TMEM108: variants seen among roughly 807,000 people sequenced by gnomAD.
TMEM108 encodes transmembrane protein 108.
In TMEM108, 12 loss-of-function variants were observed where a neutral mutation model predicts 35.1. That is an observed-to-expected ratio of 0.34 (90% confidence interval 0.22 to 0.55). The LOEUF is 0.55. Ranked by LOEUF, TMEM108 falls within the 20% of genes least tolerant of loss-of-function variation. The probability of loss-of-function intolerance (pLI) is 0.89; values close to 1 mark genes in which losing one functional copy is unlikely to be tolerated. For missense variants in TMEM108, 680 were observed against 753.3 expected (o/e 0.90, Z 1.14); for synonymous variants, 287 against 308.6 (o/e 0.93, Z 0.73).
chr3:133,327,523 C>G (rs1053220366), intron 3 of TMEM108, among the ~76,000 whole-genome samples: 1 of 152,108 alleles, frequency 6.6e-6, no homozygotes, highest in African/African-American at 2.4e-5. Context: ...TGATAGGAGC[C>G]CCCCAGAAAA....
At chr3:133,240,406 T>G (rs1242364715) in intron 3 of TMEM108, among the ~76,000 whole-genome samples, 1 of 152,188 alleles carries the variant, frequency 6.6e-6, no homozygotes, top group East Asian at 1.9e-4. Flanking sequence ...AAAACAAAAG[T>G]TTAATAAGAC....
At chr3:133,240,485 T>A (rs904510848) in intron 3 of TMEM108, among the ~76,000 whole-genome samples, 29 of 152,206 alleles carry the variant, frequency 1.9e-4, no homozygotes, top group African/African-American at 7.0e-4. Context: ...TTTTATGAAT[T>A]TAAGTACATT....
At chr3:133,189,647 A>G (rs1321452365) in intron 2 of TMEM108, among the ~76,000 whole-genome samples, 1 of 152,238 alleles carries the variant, frequency 6.6e-6, no homozygotes, top group African/African-American at 2.4e-5. Flanking sequence ...TTTACTTGAC[A>G]ATTTGAGACA....
At chr3:133,387,133 T>C (rs1431013552) in intron 4 of TMEM108, 12 of 985,384 alleles carry the variant, frequency 1.2e-5, no homozygotes, top group Non-Finnish European at 1.4e-5. Flanking sequence ...AGTTTTTCTT[T>C]CTAGATCTCT....
chr3:133,083,170 G>GCCCC (rs201976584), intron 2 of TMEM108, among the ~76,000 whole-genome samples: 2 of 136,298 alleles, frequency 1.5e-5, no homozygotes, highest in African/African-American at 2.7e-5. Flanking sequence ...TACTTGGAAA[G>GCCCC]CCCCCCCCCA....
At chr3:133,310,715 C>A (rs9815382) in intron 3 of TMEM108, among the ~76,000 whole-genome samples, 66,872 of 151,356 alleles carry the variant, frequency 0.44, 15,273 homozygotes, top group African/African-American at 0.52. Context: ...GCATTTAGTC[C>A]ATTTACACTT....
chr3:133,104,597 A>G (rs1051322018), intron 2 of TMEM108, among the ~76,000 whole-genome samples: 3 of 152,082 alleles, frequency 2.0e-5, no homozygotes, highest in Non-Finnish European at 2.9e-5. Context: ...TAGGGCTCCT[A>G]TTGGTCTTTG....
intron 3 of TMEM108, among the ~76,000 whole-genome samples, chr3:133,243,572 GT>G (rs1946342105): frequency 3.3e-5 from 5 of 152,008 alleles, no homozygotes; most frequent in African/African-American, 4.8e-5. Context: ...CCAGGCTGGA[GT>G]AGAGTGGCGC....
intron 3 of TMEM108, among the ~76,000 whole-genome samples, chr3:133,341,492 C>T (rs1477966206): frequency 6.6e-6 from 1 of 151,822 alleles, no homozygotes; most frequent in Non-Finnish European, 1.5e-5. Context: ...TTAATGCAAT[C>T]CCTATCAAAA....
chr3:133,329,552 T>A (rs937576871), intron 3 of TMEM108, among the ~76,000 whole-genome samples: 1 of 152,180 alleles, frequency 6.6e-6, no homozygotes, highest in African/African-American at 2.4e-5. Context: ...CTCCAGCGGC[T>A]CCTTTTCCCT....
At chr3:133,272,907 A>G (rs574476688) in intron 3 of TMEM108, among the ~76,000 whole-genome samples, 72 of 152,310 alleles carry the variant, frequency 4.7e-4, no homozygotes, top group African/African-American at 1.6e-3. Flanking sequence ...TGCTTAACAT[A>G]TATTGAGTGG....
At chr3:133,056,139 C>G (rs1279939410) in intron 2 of TMEM108, among the ~76,000 whole-genome samples, 2 of 118,228 alleles carry the variant, frequency 1.7e-5, no homozygotes, top group South Asian at 5.4e-4. Context: ...TTCCAGAGTT[C>G]TATGGTTCCC....
At position 133,185,336 on chromosome 3, in the gene TMEM108, C is replaced by G. The variant is rs112175062; in HGVS notation, c.-46-43930C>G. On this transcript the variant is annotated intron_variant, in intron 2 of 5. Transcript: ENST00000321871. Reference sequence around the variant, plus strand: ...TCCAAGCTAGAAACAATTGTTTCCCCCATTGAATGGACATGTGGATGCTTT... The same window carrying G: ...TCCAAGCTAGAAACAATTGTTTCCCGCATTGAATGGACATGTGGATGCTTT... 6.8e-3 allele frequency among the ~76,000 whole-genome samples: 1,039 copies of G among 152,136 alleles called. 7 individuals are homozygous for G. Among genetic ancestry groups the G allele is most frequent in the Non-Finnish European group, 9.9e-3 (672 of 67,998 alleles).
Position 133,372,645 on chromosome 3 carries a change from A to T in TMEM108, c.41-7107A>T, listed in dbSNP as rs143564769. Reference sequence around the variant, plus strand: ...TTGTACTCTGGGAAGCAGTTTCCCAAAGTACAAGTCATGGACCTCATCAGT... The same window carrying T: ...TTGTACTCTGGGAAGCAGTTTCCCATAGTACAAGTCATGGACCTCATCAGT... On this transcript the variant is annotated intron_variant, in intron 3 of 5. Coordinates refer to ENST00000321871, the MANE Select transcript of TMEM108 (RefSeq NM_023943.4). 8.5e-5 allele frequency among the ~76,000 whole-genome samples: 13 copies of T among 152,314 alleles called. No individual in the cohort carries two copies. In the East Asian group the frequency reaches 2.5e-3, roughly 29 times the overall value.
At chr3:133,370,407 C>T (rs956631464) in intron 3 of TMEM108, among the ~76,000 whole-genome samples, 2 of 152,156 alleles carry the variant, frequency 1.3e-5, no homozygotes, top group Non-Finnish European at 2.9e-5. Context: ...AGAGATAAAG[C>T]ACCTCTTTCA....
chr3:133,360,100 G>T lies in TMEM108; in HGVS notation c.41-19652G>T, dbSNP rs114536234. On this transcript the variant is annotated intron_variant, in intron 3 of 5. Coordinates refer to ENST00000321871, the MANE Select transcript of TMEM108 (RefSeq NM_023943.4). ...GGCTTGGTGAAAGCCAGACACAAAA[G>T]ATTCTATTTAATTTCATTTTTGTAA... 3.5e-3 allele frequency among the ~76,000 whole-genome samples: 517 copies of T among 147,970 alleles called. 1 individual carries two copies. Among genetic ancestry groups the T allele is most frequent in the Non-Finnish European group, 6.2e-3 (418 of 67,404 alleles).
At chr3:133,312,455 G>A (rs1280891366) in intron 3 of TMEM108, among the ~76,000 whole-genome samples, 3 of 152,198 alleles carry the variant, frequency 2.0e-5, no homozygotes, top group South Asian at 2.1e-4. Context: ...GCCTCTCCCC[G>A]CCACAAGGCA....
chr3:133,266,396 T>C lies in TMEM108; in HGVS notation c.40+37045T>C, dbSNP rs6770965. Among the ~76,000 whole-genome samples the C allele has an allele frequency of 4.3e-3, 651 of 152,298 alleles. 2 individuals carry two copies. The highest frequency in any genetic ancestry group is 0.015 in the African/African-American group (604 of 41,556). On this transcript the variant is annotated intron_variant, in intron 3 of 5. Transcript: ENST00000321871. ...TTTGGGATCAGGACTGAGATAAGAA[T>C]ATAGGAAGTACTCACATAACATTGT...
intron 3 of TMEM108, among the ~76,000 whole-genome samples, chr3:133,326,074 T>A (rs571149859): frequency 6.6e-6 from 1 of 152,272 alleles, no homozygotes; most frequent in South Asian, 2.1e-4. Context: ...TATTCCCAAT[T>A]TTATAGATGA....
Sources: gnomAD v4.1 joint callset for allele counts (sites outside exome capture counted in the v4.1 genomes callset) on GRCh38, gnomAD v4.1.1 for gene constraint, MANE v1.5 for transcripts, NCBI Gene and HGNC (gene_info 2026-07-23, HGNC 2026-07-21) for gene names.